DOK6: variants seen among roughly 807,000 people sequenced by gnomAD.
The protein encoded by DOK6 is docking protein 6, also known as downstream of tyrosine kinase 6.
A neutral mutation model predicts 44.0 loss-of-function variants in DOK6; 22 were observed. That is an observed-to-expected ratio of 0.50 (90% CI 0.36 to 0.71). DOK6 has a LOEUF of 0.71. Among genes scored for constraint, DOK6 ranks in the 30% least tolerant of loss-of-function variants. DOK6 has a pLI of 0.00. For missense variants in DOK6, 340 were observed against 416.4 expected (o/e 0.82, Z 1.60); for synonymous variants, 166 against 145.5 (o/e 1.14, Z -1.01).
chr18:69,461,347 C>T (rs940791694), intron 1 of DOK6, among the ~76,000 whole-genome samples: 1 of 152,118 alleles, frequency 6.6e-6, no homozygotes. Context: ...TAGTTTCTGA[C>T]CTGCCATATT....
chr18:69,657,925 G>C (rs991599186), intron 3 of DOK6, among the ~76,000 whole-genome samples: 1 of 151,888 alleles, frequency 6.6e-6, no homozygotes, highest in African/African-American at 2.4e-5. Context: ...GTGGGTTTTT[G>C]TTGTTGTTGC....
chr18:69,832,588 T>C (rs1348322028), intron 7 of DOK6: 1 of 152,136 alleles, frequency 6.6e-6, no homozygotes, highest in African/African-American at 2.4e-5. Flanking sequence ...TTGAAATAGT[T>C]TAAGTGAAAC....
intron 2 of DOK6, among the ~76,000 whole-genome samples, chr18:69,571,205 A>G (rs1480276953): frequency 1.3e-5 from 2 of 151,976 alleles, no homozygotes; most frequent in Non-Finnish European, 2.9e-5. Context: ...GTTTATTGTA[A>G]TCCCCAGAAT....
intron 3 of DOK6, among the ~76,000 whole-genome samples, chr18:69,631,933 C>A (rs1984700195): frequency 6.6e-6 from 1 of 152,120 alleles, no homozygotes; most frequent in Non-Finnish European, 1.5e-5. Context: ...ATCTGAAAAT[C>A]TTTATGTTGG....
At chr18:69,463,341 T>C (rs902596034) in intron 1 of DOK6, among the ~76,000 whole-genome samples, 1 of 152,140 alleles carries the variant, frequency 6.6e-6, no homozygotes, top group Admixed American at 6.5e-5. Flanking sequence ...ACACCAAAAT[T>C]CTACCATAGC....
At chr18:69,625,289 A>G (rs890913710) in intron 3 of DOK6, among the ~76,000 whole-genome samples, 1 of 152,130 alleles carries the variant, frequency 6.6e-6, no homozygotes, top group Non-Finnish European at 1.5e-5. Flanking sequence ...TAAGAGGAGC[A>G]TGTTTTATGG....
At chr18:69,571,925 A>G (rs951336470) in intron 2 of DOK6, among the ~76,000 whole-genome samples, 2 of 152,062 alleles carry the variant, frequency 1.3e-5, no homozygotes, top group Non-Finnish European at 2.9e-5. Flanking sequence ...ACAACTATAG[A>G]ATAAAGGTTA....
At chr18:69,685,180 T>A (rs1986124791) in intron 4 of DOK6, among the ~76,000 whole-genome samples, 1 of 152,172 alleles carries the variant, frequency 6.6e-6, no homozygotes, top group South Asian at 2.1e-4. Flanking sequence ...ATTCAATATA[T>A]AATATTGGGA....
intron 7 of DOK6, among the ~76,000 whole-genome samples, chr18:69,810,140 A>C (rs1484203826): frequency 1.3e-5 from 2 of 152,118 alleles, no homozygotes; most frequent in East Asian, 3.8e-4. Context: ...AGACACATAG[A>C]CCAATGGAAT....
At chr18:69,648,884 A>G (rs866727145) in intron 3 of DOK6, among the ~76,000 whole-genome samples, 1 of 152,346 alleles carries the variant, frequency 6.6e-6, no homozygotes, top group Middle Eastern at 3.4e-3. Context: ...TTTCAGATGT[A>G]CATTATGTTA....
chr18:69,662,254 A>T (rs1257271170), intron 3 of DOK6: 1 of 152,384 alleles, frequency 6.6e-6, no homozygotes, highest in East Asian at 1.9e-4. Context: ...TGCTGGGATT[A>T]CAGGCATGAG....
In DOK6 at chr18:69,604,359, G is replaced by A. The variant is rs374321703; in HGVS notation, c.289+4861G>A. 4.9e-4 allele frequency among the ~76,000 whole-genome samples: 75 copies of A among 152,264 alleles called. 1 individual carries two copies. Among genetic ancestry groups the A allele is most frequent in the Middle Eastern group, 3.4e-3 (1 of 294 alleles). On this transcript the variant is annotated intron_variant, in intron 3 of 7. Transcript: ENST00000382713. ...TTTCTTAATGTTGGTTTTATGGTTC[G>A]TGTAAGATTTTTGGGAAATGAAGGG...
Position 69,841,292 on chromosome 18 carries a change from G to A in DOK6, c.905G>A (p.Ser302Asn). 6.2e-7 allele frequency: 1 copy of A among 1,614,180 alleles called. No individual in the cohort carries two copies. Among genetic ancestry groups the A allele is most frequent in the Non-Finnish European group, 8.5e-7 (1 of 1,180,042 alleles). ...ATGTCTCGTGCACAGACATTTCCCA[G>A]CTACGCCCCAGAACAGAGTGAAGAG... ...SKMSRAQTFPSYAPEQSEEAQ... is the reference protein window; with the variant it reads ...SKMSRAQTFPNYAPEQSEEAQ... The change falls in exon 8 of 8, where the codon AGC (serine) becomes AAC (asparagine). Residue 302 changes from serine to asparagine, a missense_variant. Coordinates refer to ENST00000382713, the MANE Select transcript of DOK6 (RefSeq NM_152721.6).
Position 69,620,106 on chromosome 18 carries a change from T to C in DOK6, c.289+20608T>C, listed in dbSNP as rs1172774132. ...TATAATATAAATATGTGACGTATGC[T>C]TTTAATACAATTATATCAATCCCTA... On this transcript the variant is annotated intron_variant, in intron 3 of 7. Coordinates refer to ENST00000382713, the MANE Select transcript of DOK6 (RefSeq NM_152721.6). Among the ~76,000 whole-genome samples the C allele has an allele frequency of 2.0e-5, 3 of 152,258 alleles. No individual in the cohort carries two copies. The East Asian group carries it at 5.8e-4, about 29-fold the overall frequency.
chr18:69,404,538 T>G (rs1052995384), intron 1 of DOK6, among the ~76,000 whole-genome samples: 2 of 152,162 alleles, frequency 1.3e-5, no homozygotes, highest in Non-Finnish European at 2.9e-5. Flanking sequence ...ATCACCATCA[T>G]CACAGTCATT....
chr18:69,714,615 AAAT>A (rs992517784), intron 5 of DOK6, among the ~76,000 whole-genome samples: 7 of 152,240 alleles, frequency 4.6e-5, no homozygotes, highest in Non-Finnish European at 7.3e-5. Flanking sequence ...CCATAAAAAT[AAAT>A]ATTTTTTAGC....
At chr18:69,680,207 A>G (rs979148308) in intron 4 of DOK6, among the ~76,000 whole-genome samples, 2 of 152,226 alleles carry the variant, frequency 1.3e-5, no homozygotes, top group South Asian at 2.1e-4. Flanking sequence ...GATATCCTAT[A>G]AGGAAATTTG....
At chr18:69,497,456 T>C (rs770913912) in intron 1 of DOK6, among the ~76,000 whole-genome samples, 1 of 152,154 alleles carries the variant, frequency 6.6e-6, no homozygotes, top group Non-Finnish European at 1.5e-5. Flanking sequence ...GAATCGTTCA[T>C]GTGGCTGGAA....
rs951094112 is a variant in DOK6, at chr18:69,842,087, G to A, written c.*704G>A. The A allele has an allele frequency of 1.3e-5, 2 of 148,910 alleles. No individual in the cohort carries two copies. The highest frequency in any genetic ancestry group is 3.0e-5 in the Non-Finnish European group (2 of 67,650). The allele number at this position is 148,910 out of a possible 1,614,324, so 9.2% of individuals were successfully genotyped here. ...CTTAAATTGTTGAAAACCATAATTT[G>A]GTGCATTAAAGTTAAGATTGTTATG... On this transcript the variant is annotated 3_prime_UTR_variant, in exon 8 of 8. Coordinates refer to ENST00000382713, the MANE Select transcript of DOK6 (RefSeq NM_152721.6).
Sources: allele counts gnomAD v4.1 joint callset (sites outside exome capture counted in the v4.1 genomes callset), GRCh38; gene constraint gnomAD v4.1.1; transcripts MANE v1.5; gene names NCBI Gene and HGNC (gene_info 2026-07-23, HGNC 2026-07-21).